Variants in DIAPH3 observed in about 807,000 individuals in gnomAD.
DIAPH3 encodes the protein diaphanous related formin 3, also known as protein diaphanous homolog 3.
In DIAPH3, 117 loss-of-function variants were observed where a neutral mutation model predicts 144.3. That is an observed-to-expected ratio of 0.81 (90% CI 0.70 to 0.95). DIAPH3 has a LOEUF of 0.95. DIAPH3 is among the 40% of genes least tolerant of loss of function. DIAPH3 has a pLI of 0.00. For synonymous variants in DIAPH3, 519 were observed against 488.9 expected (o/e 1.06, Z -0.81); for missense variants, 1,421 against 1,412.7 (o/e 1.01, Z -0.09).
chr13:59,937,170 A>C (rs2048307459), intron 17 of DIAPH3, among the ~76,000 whole-genome samples: 1 of 152,060 alleles, frequency 6.6e-6, no homozygotes, highest in Non-Finnish European at 1.5e-5. Context: ...CTCAAAAAAA[A>C]AAAAACATAA....
intron 4 of DIAPH3, among the ~76,000 whole-genome samples, chr13:60,091,536 G>T (rs910166562): frequency 6.6e-6 from 1 of 151,742 alleles, no homozygotes; most frequent in Non-Finnish European, 1.5e-5. Context: ...GGGCTCAAGA[G>T]ATCTGCCTCC....
chr13:59,882,886 T>C (rs1015788599), intron 20 of DIAPH3, among the ~76,000 whole-genome samples: 5 of 152,142 alleles, frequency 3.3e-5, no homozygotes, highest in Non-Finnish European at 5.9e-5. Flanking sequence ...CTCCTGTTTT[T>C]CCTGAAGGCA....
At chr13:59,753,937 T>C (rs2037137411) in intron 27 of DIAPH3, among the ~76,000 whole-genome samples, 1 of 152,140 alleles carries the variant, frequency 6.6e-6, no homozygotes, top group African/African-American at 2.4e-5. Context: ...ATAAATTCCA[T>C]ACCCTTCTAA....
intron 22 of DIAPH3, among the ~76,000 whole-genome samples, chr13:59,842,918 C>A (rs1238108164): frequency 3.9e-5 from 6 of 152,150 alleles, no homozygotes; most frequent in Admixed American, 1.3e-4. Flanking sequence ...GAAGCTCCCC[C>A]AACCTCTTTC....
At chr13:59,822,843 G>A (rs1450329410) in intron 24 of DIAPH3, among the ~76,000 whole-genome samples, 1 of 152,004 alleles carries the variant, frequency 6.6e-6, no homozygotes, top group Non-Finnish European at 1.5e-5. Flanking sequence ...CTATGTGAGG[G>A]TGTATGAGAA....
intron 17 of DIAPH3, among the ~76,000 whole-genome samples, chr13:59,950,320 C>T (rs927479922): frequency 1.3e-5 from 2 of 152,126 alleles, no homozygotes; most frequent in Admixed American, 6.6e-5. Flanking sequence ...CCCAAGCCTA[C>T]GTGTTTCCCC....
intron 17 of DIAPH3, among the ~76,000 whole-genome samples, chr13:59,961,507 G>A (rs1213916243): frequency 6.6e-6 from 1 of 152,184 alleles, no homozygotes; most frequent in Non-Finnish European, 1.5e-5. Flanking sequence ...ATGAAAGATG[G>A]TTTTAATAAA....
intron 25 of DIAPH3, among the ~76,000 whole-genome samples, chr13:59,775,967 C>A (rs990046472): frequency 1.3e-5 from 2 of 152,172 alleles, no homozygotes; most frequent in African/African-American, 2.4e-5. Flanking sequence ...TTCAAAGGAA[C>A]TACTGGCCCA....
intron 27 of DIAPH3, among the ~76,000 whole-genome samples, chr13:59,686,281 A>G (rs1431602289): frequency 6.6e-6 from 1 of 152,108 alleles, no homozygotes; most frequent in Non-Finnish European, 1.5e-5. Flanking sequence ...ATATGATTAC[A>G]GGCTAGTTCT....
At position 59,875,851 on chromosome 13, in the gene DIAPH3, T is replaced by C. The variant is rs367739564; in HGVS notation, c.2607+3378A>G. 2.2e-4 allele frequency among the ~76,000 whole-genome samples: 33 copies of C among 152,292 alleles called. 1 individual carries two copies. The South Asian group carries it at 6.8e-3, about 32-fold the overall frequency. ...AATCCTTTTCTCTCGAATCCAGAGATATTATAGTTACTCATTGCCATCCTG... is the reference window on the plus strand; with the variant it reads ...AATCCTTTTCTCTCGAATCCAGAGACATTATAGTTACTCATTGCCATCCTG... On this transcript the variant is annotated intron_variant, in intron 21 of 27. Coordinates refer to ENST00000400324, the MANE Select transcript of DIAPH3 (RefSeq NM_001042517.2).
chr13:59,938,688 T>G (rs1163416439), intron 17 of DIAPH3, among the ~76,000 whole-genome samples: 1 of 152,012 alleles, frequency 6.6e-6, no homozygotes, highest in Non-Finnish European at 1.5e-5. Context: ...GCAACCCAAA[T>G]GTTCCATATA....
intron 22 of DIAPH3, among the ~76,000 whole-genome samples, chr13:59,858,045 T>A (rs574735915): frequency 1.1e-4 from 17 of 152,294 alleles, no homozygotes; most frequent in Middle Eastern, 3.4e-3. Context: ...TTTGAGATGC[T>A]ATGGAAATAG....
rs547959042 is a variant in DIAPH3, at chr13:60,136,315, T to C, written c.181-3326A>G. 1.2e-4 allele frequency among the ~76,000 whole-genome samples: 18 copies of C among 152,204 alleles called. No homozygotes were observed. In the South Asian group the frequency reaches 3.7e-3, roughly 32 times the overall value. On this transcript the variant is annotated intron_variant, in intron 1 of 27. Coordinates refer to ENST00000400324, the MANE Select transcript of DIAPH3 (RefSeq NM_001042517.2). ...TTTACTGTCTTCTAGTTCAGGAAAA[T>C]AGTTAACTGCAAACATCAATCCAGT... is the stretch of plus-strand genomic sequence containing the variant.
rs148379033 is a variant in DIAPH3 at position 59,956,872 on chromosome 13, G to A, written c.2074+13072C>T. On this transcript the variant is annotated intron_variant, in intron 17 of 27. Transcript: ENST00000400324. Reference sequence around the variant, plus strand: ...TTAGTGTGACCTAGATGTGAGACATGGAGTCAAAGGAGATAATTTTGGAGC... The same window carrying A: ...TTAGTGTGACCTAGATGTGAGACATAGAGTCAAAGGAGATAATTTTGGAGC... Among the ~76,000 whole-genome samples the A allele has an allele frequency of 3.7e-3, 567 of 152,314 alleles. 3 individuals are homozygous for A. In the East Asian group the frequency reaches 0.043, roughly 12 times the overall value.
At chr13:59,790,636 A>G (rs1013298213) in intron 25 of DIAPH3, among the ~76,000 whole-genome samples, 3 of 152,000 alleles carry the variant, frequency 2.0e-5, no homozygotes, top group Non-Finnish European at 4.4e-5. Context: ...AATCCTATTC[A>G]GAATAACAGC....
intron 4 of DIAPH3, among the ~76,000 whole-genome samples, chr13:60,065,546 A>T (rs1041665925): frequency 6.6e-6 from 1 of 152,184 alleles, no homozygotes; most frequent in African/African-American, 2.4e-5. Flanking sequence ...AGAAAAATGA[A>T]TGAACAAGGG....
At chr13:60,009,600 T>C (rs1380802071) in intron 8 of DIAPH3, among the ~76,000 whole-genome samples, 1 of 152,228 alleles carries the variant, frequency 6.6e-6, no homozygotes, top group Non-Finnish European at 1.5e-5. Context: ...TATGCCTGGC[T>C]TTGCACGCTT....
intron 27 of DIAPH3, among the ~76,000 whole-genome samples, chr13:59,673,061 G>A (rs146271410): frequency 2.8e-4 from 42 of 152,270 alleles, no homozygotes; most frequent in Non-Finnish European, 4.9e-4. Context: ...CCTATGCTGA[G>A]TTTTTCTAAT....
At chr13:59,723,663 T>C (rs983432531) in intron 27 of DIAPH3, among the ~76,000 whole-genome samples, 8 of 151,922 alleles carry the variant, frequency 5.3e-5, no homozygotes, top group African/African-American at 1.9e-4. Flanking sequence ...TGGGCTGGTG[T>C]GCAGTGGCGC....
Sources: allele counts gnomAD v4.1 joint callset (sites outside exome capture counted in the v4.1 genomes callset), GRCh38; gene constraint gnomAD v4.1.1; transcripts MANE v1.5; gene names NCBI Gene and HGNC (gene_info 2026-07-23, HGNC 2026-07-21).